The following CSMD1 variants were observed in gnomAD, a reference collection of about 807,000 sequenced individuals.
CSMD1 encodes the protein CUB and sushi domain-containing protein 1.
A neutral mutation model predicts 417.5 loss-of-function variants in CSMD1; 213 were observed. That is an observed-to-expected ratio of 0.51 (90% CI 0.46 to 0.57). The LOEUF is 0.57. Ranked by LOEUF, CSMD1 falls within the 20% of genes least tolerant of loss-of-function variation. The pLI is 0.00. For synonymous variants in CSMD1, 2,862 were observed against 1,736.8 expected (o/e 1.65, Z -16.11); for missense variants, 6,923 against 4,529.7 (o/e 1.53, Z -15.17).
At chr8:3,546,741 A>G (rs1798683159) in intron 10 of CSMD1, among the ~76,000 whole-genome samples, 1 of 152,208 alleles carries the variant, frequency 6.6e-6, no homozygotes, top group South Asian at 2.1e-4. Flanking sequence ...GAGCTGCAGA[A>G]ATCAGCCTGC....
intron 2 of CSMD1, among the ~76,000 whole-genome samples, chr8:4,632,523 G>T (rs1434627879): frequency 2.0e-5 from 3 of 152,072 alleles, no homozygotes; most frequent in East Asian, 3.9e-4. Context: ...GGGGGTAGGG[G>T]GAGCAGGGAA....
chr8:4,567,927 G>A (rs941313261), intron 2 of CSMD1, among the ~76,000 whole-genome samples: 4 of 152,042 alleles, frequency 2.6e-5, no homozygotes, highest in South Asian at 4.2e-4. Flanking sequence ...ACCTGAAATT[G>A]CACTTTCTGT....
chr8:4,155,459 G>T (rs1366293165), intron 3 of CSMD1, among the ~76,000 whole-genome samples: 2 of 152,124 alleles, frequency 1.3e-5, no homozygotes, highest in Admixed American at 6.5e-5. Context: ...ATGAAAATAT[G>T]GTAAGTATGT....
At chr8:4,615,504 T>C (rs1357245659) in intron 2 of CSMD1, among the ~76,000 whole-genome samples, 1 of 152,162 alleles carries the variant, frequency 6.6e-6, no homozygotes, top group African/African-American at 2.4e-5. Context: ...ATGTCCAAAT[T>C]CTAATTTTAA....
At chr8:4,025,583 T>G (rs1033076163) in intron 4 of CSMD1, among the ~76,000 whole-genome samples, 2 of 152,138 alleles carry the variant, frequency 1.3e-5, no homozygotes, top group African/African-American at 4.8e-5. Context: ...CTGTAAGAAG[T>G]GAAACAGTAA....
At chr8:4,793,702 G>A (rs1207020329) in intron 1 of CSMD1, among the ~76,000 whole-genome samples, 4 of 152,088 alleles carry the variant, frequency 2.6e-5, no homozygotes, top group Non-Finnish European at 5.9e-5. Context: ...GGAGAGGTTG[G>A]AGGCCAAATC....
chr8:4,460,331 A>C (rs768177141), intron 2 of CSMD1, among the ~76,000 whole-genome samples: 1 of 152,154 alleles, frequency 6.6e-6, no homozygotes, highest in Non-Finnish European at 1.5e-5. Flanking sequence ...AATGCAACTG[A>C]AGAATTGCAT....
intron 5 of CSMD1, among the ~76,000 whole-genome samples, chr8:3,839,485 T>C (rs1385692877): frequency 7.9e-6 from 1 of 125,856 alleles, no homozygotes; most frequent in Non-Finnish European, 1.6e-5. Flanking sequence ...TTATATTATA[T>C]ATTTATATAT....
intron 1 of CSMD1, among the ~76,000 whole-genome samples, chr8:4,962,409 C>G (rs896761732): frequency 6.6e-6 from 1 of 151,984 alleles, no homozygotes; most frequent in Non-Finnish European, 1.5e-5. Context: ...CAGGGTCTTT[C>G]TATGTCGCCA....
At chr8:4,151,046 T>G (rs1202483920) in intron 3 of CSMD1, among the ~76,000 whole-genome samples, 1 of 152,024 alleles carries the variant, frequency 6.6e-6, no homozygotes, top group Non-Finnish European at 1.5e-5. Context: ...AATAAAACGG[T>G]TGAGGAGCCT....
chr8:3,929,662 A>G (rs1584983617), intron 5 of CSMD1, among the ~76,000 whole-genome samples: 1 of 127,106 alleles, frequency 7.9e-6, no homozygotes, highest in East Asian at 2.2e-4. Flanking sequence ...ATGAATAAAA[A>G]TACTATTTTT....
intron 1 of CSMD1, among the ~76,000 whole-genome samples, chr8:4,927,615 G>C (rs1271491439): frequency 6.6e-6 from 1 of 152,150 alleles, no homozygotes; most frequent in Non-Finnish European, 1.5e-5. Flanking sequence ...ATCCTAAACT[G>C]ACGAAAGACA....
chr8:4,142,905 A>T (rs1371934404), intron 3 of CSMD1, among the ~76,000 whole-genome samples: 2 of 151,114 alleles, frequency 1.3e-5, no homozygotes, highest in Non-Finnish European at 2.9e-5. Flanking sequence ...CAATAGGAGA[A>T]ATTATTTTTA....
chr8:4,561,943 C>T (rs1416795135), intron 2 of CSMD1, among the ~76,000 whole-genome samples: 1 of 152,184 alleles, frequency 6.6e-6, no homozygotes, highest in Admixed American at 6.5e-5. Context: ...CGTTTAGACA[C>T]TGCCAGCCCC....
At chr8:4,707,225 A>T (rs1324026348) in intron 1 of CSMD1, among the ~76,000 whole-genome samples, 1 of 152,192 alleles carries the variant, frequency 6.6e-6, no homozygotes, top group Non-Finnish European at 1.5e-5. Flanking sequence ...CTTTCTATAC[A>T]TTATCTCATT....
intron 59 of CSMD1, among the ~76,000 whole-genome samples, chr8:2,964,807 A>G (rs1007551306): frequency 6.6e-6 from 1 of 152,136 alleles, no homozygotes; most frequent in East Asian, 1.9e-4. Context: ...GAACACGCCC[A>G]TGTCAGAAGA....
chr8:3,169,360 A>C (rs1820438702), intron 37 of CSMD1, among the ~76,000 whole-genome samples: 1 of 152,226 alleles, frequency 6.6e-6, no homozygotes, highest in South Asian at 2.1e-4. Flanking sequence ...AACATGAAAA[A>C]GAAAACAATG....
chr8:4,225,322 CTT>C (rs1364190172), intron 3 of CSMD1, among the ~76,000 whole-genome samples: 7 of 152,034 alleles, frequency 4.6e-5, no homozygotes, highest in South Asian at 4.2e-4. Flanking sequence ...ATCATCGAGA[CTT>C]GATGTTATTT....
At chr8:3,612,933 C>T (rs2469322) in intron 8 of CSMD1, among the ~76,000 whole-genome samples, 14,152 of 151,816 alleles carry the variant, frequency 0.093, 743 homozygotes, top group Non-Finnish European at 0.11. Flanking sequence ...GAGGTCAGAG[C>T]AGAAATCAAT....
Sources: allele counts gnomAD v4.1 joint callset (sites outside exome capture counted in the v4.1 genomes callset), GRCh38; gene constraint gnomAD v4.1.1; transcripts MANE v1.5; gene names NCBI Gene and HGNC (gene_info 2026-07-23, HGNC 2026-07-21).